PKP4: variants seen among roughly 807,000 people sequenced by gnomAD.
The protein encoded by PKP4 is plakophilin 4.
A neutral mutation model predicts 145.1 loss-of-function variants in PKP4; 90 were observed. That is an observed-to-expected ratio of 0.62 (90% CI 0.52 to 0.74). PKP4 has a LOEUF of 0.74. PKP4 is among the 30% of genes least tolerant of loss of function. The probability of loss-of-function intolerance (pLI) is 0.00; values close to 1 mark genes in which losing one functional copy is unlikely to be tolerated. For missense variants in PKP4, 1,340 were observed against 1,482.7 expected (o/e 0.90, Z 1.58); for synonymous variants, 563 against 577.2 (o/e 0.98, Z 0.35).
At chr2:158,659,375 G>A (rs556623318) in intron 12 of PKP4, 14 of 152,366 alleles carry the variant, frequency 9.2e-5, no homozygotes, top group African/African-American at 3.4e-4. Flanking sequence ...GGGAGAGCCT[G>A]GGGCAGGACT....
intron 16 of PKP4, among the ~76,000 whole-genome samples, chr2:158,667,496 A>G (rs2057206853): frequency 6.6e-6 from 1 of 152,170 alleles, no homozygotes; most frequent in South Asian, 2.1e-4. Flanking sequence ...AGGAGGGGAA[A>G]TGGGACAAGA....
chr2:158,570,579 A>G (rs754350403), intron 2 of PKP4, among the ~76,000 whole-genome samples: 1 of 152,236 alleles, frequency 6.6e-6, no homozygotes, highest in Non-Finnish European at 1.5e-5. Flanking sequence ...ATTCTATCAC[A>G]TAAGGACCAT....
intron 11 of PKP4, among the ~76,000 whole-genome samples, chr2:158,648,738 C>T (rs1219398783): frequency 6.6e-6 from 1 of 152,220 alleles, no homozygotes; most frequent in Non-Finnish European, 1.5e-5. Context: ...GTGGCTCACA[C>T]CTGTAATCCC....
chr2:158,580,042 A>C (rs2048201987), intron 3 of PKP4, among the ~76,000 whole-genome samples: 1 of 152,194 alleles, frequency 6.6e-6, no homozygotes, highest in Admixed American at 6.5e-5. Flanking sequence ...CTTTTGCAGA[A>C]TCTGTAGCAT....
In PKP4 at chr2:158,643,966, A is replaced by G. The variant is rs1251727569; in HGVS notation, c.1909+1267A>G. Among the ~76,000 whole-genome samples the G allele has an allele frequency of 3.3e-5, 5 of 152,200 alleles. No individual in the cohort carries two copies. In the East Asian group the frequency reaches 9.7e-4, roughly 30 times the overall value. On this transcript the variant is annotated intron_variant, in intron 11 of 21. Coordinates refer to ENST00000389759, the MANE Select transcript of PKP4 (RefSeq NM_003628.6). ...TTTTTAGTAGAGATGGAGTCTCACC[A>G]TGTTGGCCAGACTGGTCTCCAACTT...
chr2:158,576,134 T>C (rs1260579147), intron 2 of PKP4, among the ~76,000 whole-genome samples: 1 of 152,228 alleles, frequency 6.6e-6, no homozygotes, highest in Admixed American at 6.5e-5. Flanking sequence ...TTAAAAATTA[T>C]TCCAAGAATA....
At chr2:158,504,954 G>A (rs1436140084) in intron 1 of PKP4, among the ~76,000 whole-genome samples, 2 of 152,180 alleles carry the variant, frequency 1.3e-5, no homozygotes, top group Admixed American at 1.3e-4. Context: ...AGATTGCCAA[G>A]CCATCTGTTT....
At chr2:158,643,303 G>A (rs2054479899) in intron 11 of PKP4, among the ~76,000 whole-genome samples, 1 of 152,188 alleles carries the variant, frequency 6.6e-6, no homozygotes, top group Non-Finnish European at 1.5e-5. Context: ...ACTGAAGTTG[G>A]CCTAAGGGAT....
In PKP4 at chr2:158,542,953, T is replaced by C. The variant is rs367605620; in HGVS notation, c.132+9637T>C. 7.9e-5 allele frequency among the ~76,000 whole-genome samples: 12 copies of C among 152,354 alleles called. No homozygotes were observed. In the South Asian group the frequency reaches 1.9e-3, roughly 24 times the overall value. On this transcript the variant is annotated intron_variant, in intron 2 of 21. Transcript: ENST00000389759. ...TAACAATTATTGAGTACTTACTATG[T>C]ATCAGACATTGTACTTAATTCTATA...
chr2:158,644,507 T>A (rs1467546112), intron 11 of PKP4, among the ~76,000 whole-genome samples: 1 of 152,182 alleles, frequency 6.6e-6, no homozygotes, highest in Non-Finnish European at 1.5e-5. Flanking sequence ...GACAAAAGAA[T>A]GGTTACATCA....
At chr2:158,578,845 A>G (rs778318585) in intron 3 of PKP4, among the ~76,000 whole-genome samples, 3 of 152,216 alleles carry the variant, frequency 2.0e-5, no homozygotes, top group Non-Finnish European at 4.4e-5. Context: ...AGGAGGGAAA[A>G]TCCCCAGATA....
At chr2:158,570,280 G>C (rs997295748) in intron 2 of PKP4, among the ~76,000 whole-genome samples, 8 of 152,160 alleles carry the variant, frequency 5.3e-5, no homozygotes, top group Non-Finnish European at 1.2e-4. Flanking sequence ...TTTCTTGGTA[G>C]TTCTTAAATA....
intron 12 of PKP4, 118 bp downstream of exon 12, chr2:158,658,432 A>G: frequency 1.6e-6 from 1 of 636,234 alleles, no homozygotes; most frequent in South Asian, 2.2e-5. Context: ...TTTTTATTTC[A>G]AAATTTAGGC....
Position 158,666,324 on chromosome 2 carries a change from A to G in PKP4, c.2578-89A>G, listed in dbSNP as rs533729392. ...AAGAAACCATTTAATCTATTAGTTC[A>G]TCTTTTGGAAACATCTTTTTTAGGT... On this transcript the variant is annotated intron_variant, in intron 15 of 21. Coordinates refer to ENST00000389759, the MANE Select transcript of PKP4 (RefSeq NM_003628.6). The G allele has an allele frequency of 3.4e-4, 392 of 1,144,720 alleles. No homozygotes were observed. The Middle Eastern group carries it at 5.8e-3, about 17-fold the overall frequency. 70.9% of individuals were successfully genotyped at this position (1,144,720 alleles called of 1,614,324 possible).
intron 1 of PKP4, among the ~76,000 whole-genome samples, chr2:158,526,070 T>A (rs2042903426): frequency 6.6e-6 from 1 of 151,762 alleles, no homozygotes; most frequent in South Asian, 2.1e-4. Context: ...GAGGAACTGG[T>A]ACCATTCCTT....
chr2:158,547,545 C>T (rs930092954), intron 2 of PKP4, among the ~76,000 whole-genome samples: 3 of 152,106 alleles, frequency 2.0e-5, no homozygotes, highest in South Asian at 2.1e-4. Flanking sequence ...GGCAATTTTG[C>T]GGGGTGGTGG....
intron 11 of PKP4, among the ~76,000 whole-genome samples, chr2:158,654,584 T>TA (rs1558959038): frequency 6.6e-6 from 1 of 152,188 alleles, no homozygotes; most frequent in East Asian, 1.9e-4. Context: ...GGAGATAGAA[T>TA]GGCAACTGGA....
At chr2:158,593,733 T>G (rs552045588) in intron 3 of PKP4, among the ~76,000 whole-genome samples, 1 of 152,174 alleles carries the variant, frequency 6.6e-6, no homozygotes, top group African/African-American at 2.4e-5. Context: ...ATCTTAACTT[T>G]CCCTGGAATG....
chr2:158,508,923 CATT>C (rs2041253370), intron 1 of PKP4, among the ~76,000 whole-genome samples: 1 of 152,128 alleles, frequency 6.6e-6, no homozygotes, highest in Admixed American at 6.5e-5. Flanking sequence ...ATTTATTAAT[CATT>C]ATTTATACTC....
Sources: allele counts gnomAD v4.1 joint callset (sites outside exome capture counted in the v4.1 genomes callset), GRCh38; gene constraint gnomAD v4.1.1; transcripts MANE v1.5; gene names NCBI Gene and HGNC (gene_info 2026-07-23, HGNC 2026-07-21).